The following UBXN8 variants were observed in gnomAD, a reference collection of about 807,000 sequenced individuals.
The protein encoded by UBXN8 is UBX domain-containing protein 8.
UBXN8 carries 27 observed loss-of-function variants against 32.1 expected under a neutral mutation model. That is an observed-to-expected ratio of 0.84 (90% CI 0.62 to 1.16). The LOEUF is 1.16. UBXN8 is among the 50% of genes most tolerant of loss of function. The probability of loss-of-function intolerance (pLI) is 0.00; values close to 1 mark genes in which losing one functional copy is unlikely to be tolerated. For synonymous variants in UBXN8, 109 were observed against 111.8 expected (o/e 0.98, Z 0.16); for missense variants, 306 against 311.4 (o/e 0.98, Z 0.13).
intron 1 of UBXN8, among the ~76,000 whole-genome samples, chr8:30,748,097 A>G (rs1805414816): frequency 6.7e-6 from 1 of 150,266 alleles, no homozygotes; most frequent in Non-Finnish European, 1.5e-5. Flanking sequence ...TTTATTGTCA[A>G]TACATTTTAC....
chr8:30,760,443 A>ATATATATATATATATT (rs1196366158), intron 5 of UBXN8, among the ~76,000 whole-genome samples: 26 of 91,094 alleles, frequency 2.9e-4, no homozygotes, highest in African/African-American at 1.3e-3. Context: ...ATATATATAT[A>ATATATATATATATATT]TTTTTTTTTT....
chr8:30,737,914 A>G (rs560394865), intron 1 of UBXN8, among the ~76,000 whole-genome samples: 1 of 152,338 alleles, frequency 6.6e-6, no homozygotes, highest in Admixed American at 6.5e-5. Context: ...GACTACTAAA[A>G]GAGCAATTTC....
intron 5 of UBXN8, among the ~76,000 whole-genome samples, chr8:30,760,437 A>ATTTTT (rs1361022250): frequency 1.6e-4 from 7 of 44,894 alleles, no homozygotes; most frequent in African/African-American, 5.3e-4. Flanking sequence ...ATATATATAT[A>ATTTTT]TATATATTTT....
intron 4 of UBXN8, among the ~76,000 whole-genome samples, chr8:30,755,448 A>G (rs1447464989): frequency 6.6e-6 from 1 of 151,968 alleles, no homozygotes; most frequent in Non-Finnish European, 1.5e-5. Context: ...GTGCCTAAAG[A>G]GCATATAACT....
intron 3 of UBXN8, among the ~76,000 whole-genome samples, chr8:30,753,317 C>T (rs768381039): frequency 6.6e-6 from 1 of 152,032 alleles, no homozygotes; most frequent in Non-Finnish European, 1.5e-5. Context: ...AATGCAGTGG[C>T]GAAATCTCGG....
At chr8:30,743,713 A>G (rs888496654), upstream of UBXN8, among the ~76,000 whole-genome samples, 3 of 152,180 alleles carry the variant, frequency 2.0e-5, no homozygotes, top group Non-Finnish European at 4.4e-5. Context: ...TTCCGCAGGA[A>G]CCAGAGACTG....
intron 5 of UBXN8, among the ~76,000 whole-genome samples, chr8:30,760,435 A>ATT (rs199591642): frequency 4.5e-4 from 19 of 42,372 alleles, no homozygotes; most frequent in African/African-American, 1.9e-3. Context: ...ATATATATAT[A>ATT]TATATATATT....
At chr8:30,752,125 C>T (rs1005553654) in intron 2 of UBXN8, among the ~76,000 whole-genome samples, 9 of 152,142 alleles carry the variant, frequency 5.9e-5, no homozygotes, top group African/African-American at 1.7e-4. Context: ...CTCTTGACCT[C>T]GTGATCCGCC....
chr8:30,763,057 G>A (rs1167777523), intron 6 of UBXN8: 1 of 524,508 alleles, frequency 1.9e-6, no homozygotes. Context: ...TTATGGCGGG[G>A]GGTGTCTCAA....
chr8:30,745,732 A>G (rs541055952), intron 1 of UBXN8, among the ~76,000 whole-genome samples: 2 of 152,290 alleles, frequency 1.3e-5, no homozygotes, highest in South Asian at 4.1e-4. Flanking sequence ...TGTCTTTTCA[A>G]CATCCACCCC....
intron 2 of UBXN8, among the ~76,000 whole-genome samples, chr8:30,752,419 C>T (rs193099044): frequency 1.3e-5 from 2 of 152,150 alleles, no homozygotes; most frequent in African/African-American, 2.4e-5. Flanking sequence ...GTGATCCTCT[C>T]GCCTCAGCTT....
chr8:30,753,135 G>T, intron 3 of UBXN8, 30 bp downstream of exon 3: 1 of 1,459,260 alleles, frequency 6.9e-7, no homozygotes, highest in African/African-American at 1.4e-5. Context: ...GACTTTATGC[G>T]TAGAGAAATA....
intron 3 of UBXN8, 52 bp downstream of exon 3, chr8:30,753,157 G>A: frequency 7.0e-7 from 1 of 1,431,318 alleles, no homozygotes; most frequent in Non-Finnish European, 9.2e-7. Flanking sequence ...AAAAATCTCT[G>A]AGGCAATTAA....
intron 3 of UBXN8, among the ~76,000 whole-genome samples, chr8:30,754,044 A>T (rs940933521): frequency 6.6e-6 from 1 of 152,166 alleles, no homozygotes; most frequent in Non-Finnish European, 1.5e-5. Flanking sequence ...GATCGAGACT[A>T]TCCTGGCCAA....
chr8:30,745,168 G>A (rs918576198), intron 1 of UBXN8, among the ~76,000 whole-genome samples: 1 of 152,198 alleles, frequency 6.6e-6, no homozygotes, highest in Non-Finnish European at 1.5e-5. Context: ...GACAAGTGGT[G>A]ATGATGGCCT....
intron 3 of UBXN8, among the ~76,000 whole-genome samples, chr8:30,753,427 T>C (rs950665424): frequency 6.6e-6 from 1 of 152,060 alleles, no homozygotes; most frequent in South Asian, 2.1e-4. Context: ...CAGCTAATTT[T>C]TGTATTTTTA....
intron 3 of UBXN8, 35 bp from the exon 4 acceptor site, chr8:30,754,630 G>T (rs181003994): frequency 2.6e-6 from 4 of 1,525,886 alleles, no homozygotes; most frequent in Non-Finnish European, 3.5e-6. Context: ...AACATTAATG[G>T]ATAGTAACAA....
intron 1 of UBXN8, among the ~76,000 whole-genome samples, chr8:30,748,849 T>C (rs1805432408): frequency 6.6e-6 from 1 of 152,182 alleles, no homozygotes; most frequent in South Asian, 2.1e-4. Flanking sequence ...CCTATATATA[T>C]GTTTTTCTGA....
upstream of UBXN8, among the ~76,000 whole-genome samples, chr8:30,730,263 A>G (rs935814831): frequency 2.0e-5 from 3 of 152,216 alleles, no homozygotes; most frequent in Non-Finnish European, 4.4e-5. Context: ...GGATGGGCAC[A>G]TGGCGGAGAG....
Sources: allele counts gnomAD v4.1 joint callset (sites outside exome capture counted in the v4.1 genomes callset), GRCh38; gene constraint gnomAD v4.1.1; transcripts MANE v1.5; gene names NCBI Gene and HGNC (gene_info 2026-07-23, HGNC 2026-07-21).